The following TTC7A variants were observed in gnomAD, a reference collection of about 807,000 sequenced individuals.
TTC7A encodes tetratricopeptide repeat domain 7A, also known as tetratricopeptide repeat protein 7A.
A neutral mutation model predicts 103.7 loss-of-function variants in TTC7A; 110 were observed. The observed-to-expected ratio is 1.06, with a 90% CI of 0.91 to 1.24. TTC7A has a LOEUF of 1.24. Among genes scored for constraint, TTC7A ranks in the 50% most tolerant of loss-of-function variants. TTC7A has a pLI of 0.00. For missense variants in TTC7A, 1,340 were observed against 1,116.3 expected (o/e 1.20, Z -2.86); for synonymous variants, 521 against 467.9 (o/e 1.11, Z -1.47).
intron 14 of TTC7A, among the ~76,000 whole-genome samples, chr2:47,028,433 A>G (rs1170240857): frequency 6.6e-6 from 1 of 152,206 alleles, no homozygotes; most frequent in African/African-American, 2.4e-5. Flanking sequence ...GTGCCCTTCC[A>G]TGCTGCACCA....
At chr2:47,034,012 C>T (rs1680846350) in intron 15 of TTC7A, 1 of 152,244 alleles carries the variant, frequency 6.6e-6, no homozygotes, top group Non-Finnish European at 1.5e-5. Context: ...TTTTGAAAAG[C>T]CTTCTGAATT....
chr2:46,917,416 C>A, intron 2 of TTC7A: 2 of 563,534 alleles, frequency 3.5e-6, no homozygotes, highest in Non-Finnish European at 6.2e-6. Flanking sequence ...TGCCATTCAT[C>A]CATCTCTTCA....
intron 14 of TTC7A, 83 bp from the exon 15 acceptor site, chr2:47,029,141 G>A (rs1680232082): frequency 3.3e-6 from 5 of 1,517,386 alleles, no homozygotes; most frequent in Non-Finnish European, 4.5e-6. Context: ...GAGTGTGAGT[G>A]CCCTTGTTGA....
intron 19 of TTC7A, chr2:47,065,657 C>G (rs189461334): frequency 3.2e-4 from 49 of 152,362 alleles, no homozygotes; most frequent in African/African-American, 1.1e-3. Flanking sequence ...TTGCCTTCAG[C>G]TCAAAACAGT....
intron 3 of TTC7A, among the ~76,000 whole-genome samples, chr2:46,959,680 T>C (rs935982404): frequency 1.3e-5 from 2 of 152,230 alleles, no homozygotes; most frequent in Non-Finnish European, 2.9e-5. Flanking sequence ...ACTGTGACCC[T>C]GTGAGGCGTC....
intron 19 of TTC7A, among the ~76,000 whole-genome samples, chr2:47,064,679 C>G (rs1479876079): frequency 6.6e-6 from 1 of 152,152 alleles, no homozygotes; most frequent in African/African-American, 2.4e-5. Flanking sequence ...GGAGTCCCAA[C>G]AGTGACTGGT....
rs551771239 is a variant in TTC7A, at chr2:47,010,602, C to T, written c.1288-729C>T. Reference sequence around the variant, plus strand: ...ATTACTGTCTGGAGGTTCTCTCCGGCTCTGCCAGTTTAGAATATCTCCCCT... The same window carrying T: ...ATTACTGTCTGGAGGTTCTCTCCGGTTCTGCCAGTTTAGAATATCTCCCCT... On this transcript the variant is annotated intron_variant, in intron 10 of 19. Coordinates refer to ENST00000319190, the MANE Select transcript of TTC7A (RefSeq NM_020458.4). 2.0e-5 allele frequency among the ~76,000 whole-genome samples: 3 copies of T among 152,186 alleles called. No individual in the cohort carries two copies. The South Asian group carries it at 6.2e-4, about 32-fold the overall frequency.
chr2:46,977,755 T>C (rs1196876931), intron 4 of TTC7A, among the ~76,000 whole-genome samples: 3 of 152,208 alleles, frequency 2.0e-5, no homozygotes, highest in African/African-American at 7.2e-5. Context: ...GATGGATTGA[T>C]TGGGACAGAG....
chr2:47,037,238 A>T (rs1310246586), intron 15 of TTC7A, among the ~76,000 whole-genome samples: 4 of 152,186 alleles, frequency 2.6e-5, no homozygotes, highest in Non-Finnish European at 5.9e-5. Flanking sequence ...TGAGTTTGGA[A>T]GTACCTTTGG....
rs535591455 is a variant in TTC7A at position 47,016,296 on chromosome 2, C to T, written c.1392+4861C>T. On this transcript the variant is annotated intron_variant, in intron 11 of 19. Coordinates refer to ENST00000319190, the MANE Select transcript of TTC7A (RefSeq NM_020458.4). ...GGGTCAGAGAGGAGAAAAATGAAAC[C>T]CTCCAGAGGGTAGCTGTGAATCAGC... Among the ~76,000 whole-genome samples the T allele has an allele frequency of 3.9e-5, 6 of 152,274 alleles. 1 individual carries two copies. Among genetic ancestry groups the T allele is most frequent in the African/African-American group, 1.4e-4 (6 of 41,548 alleles).
At chr2:46,956,597 C>T (rs760307833) in intron 2 of TTC7A, 3 of 523,718 alleles carry the variant, frequency 5.7e-6, no homozygotes, top group Admixed American at 3.1e-5. Context: ...GGGCATAAAA[C>T]GCACACACAT....
In TTC7A at chr2:47,050,016, A is replaced by T. The variant is rs1024671005; in HGVS notation, c.1987A>T (p.Thr663Ser). ...TMKKQSGMHLTLPDAHDADSG... is the reference protein window; with the variant it reads ...TMKKQSGMHLSLPDAHDADSG... Reference sequence around the variant, plus strand: ...GAAGAAGCAGAGTGGCATGCACCTGACTTTGCCTGATGCCCATGATGCAGA... The same window carrying T: ...GAAGAAGCAGAGTGGCATGCACCTGTCTTTGCCTGATGCCCATGATGCAGA... Residue 663 changes from threonine to serine, a missense_variant, in exon 17 of 20, where the codon ACT (threonine) becomes TCT (serine). Coordinates refer to ENST00000319190, the MANE Select transcript of TTC7A (RefSeq NM_020458.4). 3 of 1,613,954 alleles carry T rather than the reference A, an allele frequency of 1.9e-6. No individual in the cohort carries two copies. In the African/African-American group the frequency reaches 4.0e-5, roughly 22 times the overall value.
At chr2:47,030,844 G>A (rs572283924) in intron 15 of TTC7A, among the ~76,000 whole-genome samples, 134 of 152,332 alleles carry the variant, frequency 8.8e-4, no homozygotes, top group African/African-American at 3.0e-3. Flanking sequence ...TGCCTCAGCA[G>A]CATTCAAGAG....
intron 15 of TTC7A, among the ~76,000 whole-genome samples, chr2:47,041,402 T>C (rs1681732595): frequency 6.6e-6 from 1 of 152,014 alleles, no homozygotes; most frequent in Non-Finnish European, 1.5e-5. Flanking sequence ...TAAACGGTGG[T>C]TTCACCATCC....
chr2:46,958,523 GT>G (rs1436892171), intron 3 of TTC7A: 1 of 1,304,124 alleles, frequency 7.7e-7, no homozygotes, highest in African/African-American at 1.5e-5. Context: ...GGGGAACACA[GT>G]CCCGGTGGTC....
At chr2:47,020,506 C>G (rs998442979) in intron 11 of TTC7A, among the ~76,000 whole-genome samples, 9 of 152,350 alleles carry the variant, frequency 5.9e-5, no homozygotes, top group African/African-American at 1.9e-4. Context: ...CCCAGACACC[C>G]TCATCCTTCC....
intron 7 of TTC7A, 54 bp from the exon 8 acceptor site, chr2:46,995,082 G>T (rs1676041696): frequency 1.3e-6 from 2 of 1,574,078 alleles, no homozygotes; most frequent in Non-Finnish European, 1.7e-6. Flanking sequence ...TGGGTCAGTG[G>T]TGCTGTCTGG....
chr2:47,061,892 A>G (rs1683811141), intron 19 of TTC7A, among the ~76,000 whole-genome samples: 1 of 152,202 alleles, frequency 6.6e-6, no homozygotes, highest in Admixed American at 6.5e-5. Context: ...ATAATCTAGG[A>G]GCCCACAGTT....
Position 47,073,974 on chromosome 2 carries a change from G to A in TTC7A, c.*51G>A, listed in dbSNP as rs370400954. On this transcript the variant is annotated 3_prime_UTR_variant, in exon 20 of 20. Coordinates refer to ENST00000319190, the MANE Select transcript of TTC7A (RefSeq NM_020458.4). ...GGGCTGGCCAGAGGGAGAGGCAGCAGGGAACGTGGGTCAGGGTGGGGCAAC... is the reference window on the plus strand; with the variant it reads ...GGGCTGGCCAGAGGGAGAGGCAGCAAGGAACGTGGGTCAGGGTGGGGCAAC... The A allele has an allele frequency of 2.0e-6, 3 of 1,503,856 alleles. No individual in the cohort carries two copies. Among genetic ancestry groups the A allele is most frequent in the East Asian group, 2.4e-5 (1 of 42,394 alleles). 93.2% of individuals were successfully genotyped at this position (1,503,856 alleles called of 1,614,324 possible). A position where few individuals can be genotyped will look rare whatever the true frequency, so the allele number is the denominator to read the frequency against.
Sources: allele counts gnomAD v4.1 joint callset (sites outside exome capture counted in the v4.1 genomes callset), GRCh38; gene constraint gnomAD v4.1.1; transcripts MANE v1.5; gene names NCBI Gene and HGNC (gene_info 2026-07-23, HGNC 2026-07-21).